The following CNTN4 variants were observed in gnomAD, a reference collection of about 807,000 sequenced individuals.
The protein encoded by CNTN4 is contactin-4.
In CNTN4, 77 loss-of-function variants were observed where a neutral mutation model predicts 122.5. The ratio of observed to expected loss-of-function variants is 0.63; its 90% CI spans 0.52 to 0.76. The LOEUF (loss-of-function observed/expected upper bound fraction) is 0.76, where lower values mean the gene tolerates loss of function less well. CNTN4 is among the 30% of genes least tolerant of loss of function. The probability of loss-of-function intolerance (pLI) is 0.00; values close to 1 mark genes in which losing one functional copy is unlikely to be tolerated. For synonymous variants in CNTN4, 512 were observed against 447.0 expected (o/e 1.15, Z -1.83); for missense variants, 1,256 against 1,259.1 (o/e 1.00, Z 0.04).
chr3:2,472,780 T>A (rs570358592), intron 3 of CNTN4, among the ~76,000 whole-genome samples: 56 of 152,338 alleles, frequency 3.7e-4, no homozygotes, highest in African/African-American at 1.3e-3. Context: ...AATTCCAACA[T>A]AAGGAAGAAG....
At chr3:2,165,651 T>G (rs965743778) in intron 2 of CNTN4, among the ~76,000 whole-genome samples, 5 of 152,144 alleles carry the variant, frequency 3.3e-5, no homozygotes, top group Admixed American at 2.6e-4. Context: ...TATCCAGAAA[T>G]TATTCAAAGT....
At chr3:2,514,086 A>G (rs2076970631) in intron 3 of CNTN4, among the ~76,000 whole-genome samples, 2 of 152,192 alleles carry the variant, frequency 1.3e-5, no homozygotes, top group South Asian at 4.1e-4. Flanking sequence ...GCCAAGTGGA[A>G]AGAATTTTGT....
intron 6 of CNTN4, among the ~76,000 whole-genome samples, chr3:2,757,473 G>T (rs911882646): frequency 6.6e-6 from 1 of 152,102 alleles, no homozygotes; most frequent in African/African-American, 2.4e-5. Flanking sequence ...CTATTATCAC[G>T]TTTAGAGTGT....
intron 4 of CNTN4, among the ~76,000 whole-genome samples, chr3:2,607,488 G>T (rs941986754): frequency 6.6e-6 from 1 of 151,894 alleles, no homozygotes; most frequent in Non-Finnish European, 1.5e-5. Context: ...GTATCAATAA[G>T]AATAACTGCA....
At chr3:2,100,015 T>G (rs910733122) in intron 1 of CNTN4, among the ~76,000 whole-genome samples, 9 of 152,152 alleles carry the variant, frequency 5.9e-5, no homozygotes, top group Non-Finnish European at 1.3e-4. Flanking sequence ...GGAGGCGGCT[T>G]CGCGCGTCGG....
intron 2 of CNTN4, among the ~76,000 whole-genome samples, chr3:2,166,771 C>A (rs114657873): frequency 1.3e-5 from 2 of 151,876 alleles, no homozygotes; most frequent in Admixed American, 1.3e-4. Context: ...TCTTAGAGAC[C>A]GTTTAGTCAT....
At chr3:2,505,303 T>C (rs942428850) in intron 3 of CNTN4, among the ~76,000 whole-genome samples, 1 of 152,176 alleles carries the variant, frequency 6.6e-6, no homozygotes, top group Non-Finnish European at 1.5e-5. Context: ...GACATCAGAA[T>C]GTTTATATTG....
At position 2,781,878 on chromosome 3, in the gene CNTN4, C is replaced by T. The variant is rs779459835; in HGVS notation, c.358+36181C>T. Among the ~76,000 whole-genome samples, 107 of 127,158 alleles carry T rather than the reference C, an allele frequency of 8.4e-4. 6 individuals carry two copies. Among genetic ancestry groups the T allele is most frequent in the Middle Eastern group, 3.8e-3 (1 of 266 alleles). The allele number at this position is 127,158 out of a possible 152,430, so 83.4% of individuals were successfully genotyped here. ...TAGCTGGGACTGCAGGCGCCCGCAC[C>T]ACGCCCGGCTAATTTTTTGTATTTT... On this transcript the variant is annotated intron_variant, in intron 6 of 24. Transcript: ENST00000418658.
chr3:2,581,485 A>G (rs1321834897), intron 4 of CNTN4, among the ~76,000 whole-genome samples: 1 of 152,198 alleles, frequency 6.6e-6, no homozygotes, highest in Non-Finnish European at 1.5e-5. Context: ...TGGCTGACAT[A>G]AACAAAGCTG....
At chr3:2,877,261 CTTA>C (rs2093855306) in intron 8 of CNTN4, among the ~76,000 whole-genome samples, 1 of 152,134 alleles carries the variant, frequency 6.6e-6, no homozygotes, top group Admixed American at 6.5e-5. Context: ...CTGCATATGG[CTTA>C]TTATTGGTGT....
intron 13 of CNTN4, among the ~76,000 whole-genome samples, chr3:2,931,941 C>T (rs1248025440): frequency 6.6e-6 from 1 of 152,208 alleles, no homozygotes; most frequent in Non-Finnish European, 1.5e-5. Context: ...AGCCACCACA[C>T]CTTGCCCACA....
intron 3 of CNTN4, among the ~76,000 whole-genome samples, chr3:2,515,882 A>T (rs554718603): frequency 6.6e-6 from 1 of 151,592 alleles, no homozygotes; most frequent in South Asian, 2.1e-4. Flanking sequence ...AAATTTACGG[A>T]CTAATATTTT....
chr3:2,789,209 CT>C (rs1366391068), intron 6 of CNTN4, among the ~76,000 whole-genome samples: 4 of 152,184 alleles, frequency 2.6e-5, no homozygotes, highest in African/African-American at 9.7e-5. Flanking sequence ...ATTTTGACTT[CT>C]CCTATTACCT....
intron 3 of CNTN4, among the ~76,000 whole-genome samples, chr3:2,523,870 C>G: frequency 6.6e-6 from 1 of 152,026 alleles, no homozygotes; most frequent in East Asian, 1.9e-4. Flanking sequence ...CACAAAAAAA[C>G]TACCCATCAT....
At chr3:2,807,524 C>T (rs2092498324) in intron 6 of CNTN4, among the ~76,000 whole-genome samples, 3 of 151,170 alleles carry the variant, frequency 2.0e-5, no homozygotes, top group Admixed American at 2.0e-4. Flanking sequence ...ACAGCTAATT[C>T]AGCATCCAGT....
intron 13 of CNTN4, among the ~76,000 whole-genome samples, chr3:2,981,182 C>T (rs751875929): frequency 2.6e-5 from 4 of 152,178 alleles, no homozygotes; most frequent in Admixed American, 6.5e-5. Context: ...CGGTGGCTCA[C>T]GCCTGTAGTA....
chr3:2,632,241 T>A (rs1425060992), intron 4 of CNTN4, among the ~76,000 whole-genome samples: 1 of 152,186 alleles, frequency 6.6e-6, no homozygotes, highest in African/African-American at 2.4e-5. Context: ...CGTATCTTAT[T>A]TAGAGTCTCA....
Position 2,409,197 on chromosome 3 carries a change from C to G in CNTN4, c.-89+69964C>G, listed in dbSNP as rs560931166. Among the ~76,000 whole-genome samples, 12 of 150,914 alleles carry G rather than the reference C, an allele frequency of 8.0e-5. No homozygotes were observed. The South Asian group carries it at 2.3e-3, about 29-fold the overall frequency. ...TCTTGCAGGTTTTATTTAATAAAAA[C>G]GTTTGTTACTTTTTTTAAAGTTCTG... On this transcript the variant is annotated intron_variant, in intron 3 of 24. Transcript: ENST00000418658.
chr3:2,482,504 A>G (rs760184877), intron 3 of CNTN4, among the ~76,000 whole-genome samples: 1 of 152,182 alleles, frequency 6.6e-6, no homozygotes, highest in Middle Eastern at 3.2e-3. Flanking sequence ...AAGGAGCTGA[A>G]TATATCACCA....
Sources: allele counts gnomAD v4.1 joint callset (sites outside exome capture counted in the v4.1 genomes callset), GRCh38; gene constraint gnomAD v4.1.1; transcripts MANE v1.5; gene names NCBI Gene and HGNC (gene_info 2026-07-23, HGNC 2026-07-21).